Variants in RNF111 observed in about 807,000 individuals in gnomAD.
RNF111 encodes E3 ubiquitin-protein ligase Arkadia.
In RNF111, 17 loss-of-function variants were observed where a neutral mutation model predicts 95.1. The observed-to-expected ratio is 0.18, with a 90% CI of 0.12 to 0.27. RNF111 has a LOEUF of 0.27. Ranked by LOEUF, RNF111 falls within the 10% of genes least tolerant of loss-of-function variation. RNF111 has a pLI of 1.00. For missense variants in RNF111, 1,189 were observed against 1,210.4 expected (o/e 0.98, Z 0.26); for synonymous variants, 440 against 414.8 (o/e 1.06, Z -0.74).
intron 5 of RNF111, among the ~76,000 whole-genome samples, chr15:59,063,728 C>G (rs1333485931): frequency 1.3e-5 from 2 of 152,150 alleles, no homozygotes; most frequent in African/African-American, 4.8e-5. Context: ...CAAAAGAGGA[C>G]AAGCTGTTTC....
At chr15:59,092,473 C>T in intron 12 of RNF111, 64 bp from the exon 13 acceptor site, 1 of 1,519,266 alleles carries the variant, frequency 6.6e-7, no homozygotes, top group African/African-American at 1.4e-5. Context: ...TAAACACAGA[C>T]TTTACTCAGT....
At chr15:59,081,332 A>G (rs993289890) in intron 8 of RNF111, 48 bp downstream of exon 8, 10 of 1,488,572 alleles carry the variant, frequency 6.7e-6, no homozygotes, top group Admixed American at 5.6e-5. Flanking sequence ...TTTTTCTTCT[A>G]CTTCCATTGG....
intron 2 of RNF111, among the ~76,000 whole-genome samples, chr15:59,033,961 A>G (rs1299676369): frequency 2.0e-5 from 3 of 152,224 alleles, no homozygotes; most frequent in Non-Finnish European, 4.4e-5. Flanking sequence ...TGATTTAATA[A>G]CATTCACACG....
chr15:59,081,086 C>G lies in RNF111; in HGVS notation c.2099C>G (p.Ala700Gly). The part of the protein sequence containing the change: ...HAFHSQISSH[A>G]TSHPVAPPPP... ...TTCCATTCTCAAATATCTTCTCATG[C>G]AACATCTCATCCTGTGGCACCCCCA... The change falls in exon 8 of 14, where the codon GCA becomes GGA. Residue 700 changes from alanine to glycine, a missense_variant. Transcript: ENST00000348370. 6.2e-7 allele frequency: 1 copy of G among 1,614,096 alleles called. No homozygotes were observed. The highest frequency in any genetic ancestry group is 2.2e-5 in the East Asian group (1 of 44,882).
chr15:59,065,989 A>C (rs2042639266), intron 5 of RNF111, among the ~76,000 whole-genome samples: 2 of 152,104 alleles, frequency 1.3e-5, no homozygotes, highest in Admixed American at 1.3e-4. Flanking sequence ...CACCAGATAC[A>C]CTCTGACTTG....
At chr15:59,009,296 A>C (rs2039682730) in intron 1 of RNF111, among the ~76,000 whole-genome samples, 1 of 151,676 alleles carries the variant, frequency 6.6e-6, no homozygotes, top group Non-Finnish European at 1.5e-5. Context: ...CTTTGGGAGG[A>C]TTTATTTTTC....
chr15:59,058,571 G>A (rs776545454), intron 5 of RNF111, 21 bp downstream of exon 5: 2 of 1,603,612 alleles, frequency 1.2e-6, no homozygotes, highest in African/African-American at 2.7e-5. Flanking sequence ...AAGTGGGGGA[G>A]GGGAGACTTT....
chr15:59,042,050 A>G (rs570188226), intron 2 of RNF111, among the ~76,000 whole-genome samples: 85 of 151,062 alleles, frequency 5.6e-4, no homozygotes, highest in African/African-American at 2.0e-3. Context: ...TATATTAGCA[A>G]TGTAAGTCCT....
In RNF111 at chr15:59,094,810, C is replaced by T; in HGVS notation, c.2871C>T (p.His957=). The T allele has an allele frequency of 1.2e-6, 2 of 1,612,386 alleles. No individual in the cohort carries two copies. The highest frequency in any genetic ancestry group is 1.7e-6 in the Non-Finnish European group (2 of 1,178,588). The change falls in exon 14 of 14, where the codon CAC becomes CAT. Residue 957 remains histidine, a synonymous_variant. Transcript: ENST00000348370. ...VRRLPCMHLF[H]QVCVDQWLIT... is the part of the protein sequence containing the mutation. ...GTCTTCCATGTATGCACCTTTTCCA[C>T]CAAGTGTGTGTTGACCAATGGTTGA...
intron 1 of RNF111, among the ~76,000 whole-genome samples, chr15:59,017,753 CT>C (rs200975904): frequency 4.7e-4 from 57 of 120,964 alleles, no homozygotes; most frequent in East Asian, 1.1e-3. Context: ...TTGTTGAACT[CT>C]TTTTTTTTTT....
At chr15:59,030,717 C>G (rs1259777558) in intron 1 of RNF111, 87 bp from the exon 2 acceptor site, 2 of 901,046 alleles carry the variant, frequency 2.2e-6, no homozygotes, top group East Asian at 5.5e-5. Context: ...TATAAGGGAT[C>G]TTCTTGGTGG....
chr15:59,057,705 A>T (rs1314102325), intron 4 of RNF111, among the ~76,000 whole-genome samples: 1 of 152,228 alleles, frequency 6.6e-6, no homozygotes, highest in African/African-American at 2.4e-5. Flanking sequence ...TTTGGAAAAC[A>T]TATAAAAAGG....
At chr15:59,054,241 C>G (rs956287178) in intron 3 of RNF111, among the ~76,000 whole-genome samples, 4 of 152,080 alleles carry the variant, frequency 2.6e-5, no homozygotes, top group African/African-American at 9.7e-5. Flanking sequence ...CTGGCCTGGC[C>G]CTTTCATTTA....
At chr15:58,989,423 T>C (rs1294244118) in intron 1 of RNF111, among the ~76,000 whole-genome samples, 1 of 152,224 alleles carries the variant, frequency 6.6e-6, no homozygotes, top group Non-Finnish European at 1.5e-5. Flanking sequence ...TTCACAACAG[T>C]ATTCTAAGAA....
Position 59,095,938 on chromosome 15 carries a change from T to TA in RNF111, c.*1041dup. On this transcript the variant is annotated 3_prime_UTR_variant, in exon 14 of 14. Coordinates refer to ENST00000348370, the MANE Select transcript of RNF111 (RefSeq NM_017610.8). ...TAAGGGATTTTTATTAGTTTAAAGGTAAATAAAGTCAGCTGAATCTACATG... is the reference window on the plus strand; with the variant it reads ...TAAGGGATTTTTATTAGTTTAAAGGTAAAATAAAGTCAGCTGAATCTACATG... 1 of 398,234 alleles carries TA rather than the reference T, an allele frequency of 2.5e-6. No homozygotes were observed. The highest frequency in any genetic ancestry group is 4.4e-6 in the Non-Finnish European group (1 of 225,580). 24.7% of individuals were successfully genotyped at this position (398,234 alleles called of 1,614,324 possible).
intron 1 of RNF111, among the ~76,000 whole-genome samples, chr15:58,992,811 C>G (rs1018847187): frequency 1.3e-5 from 2 of 151,202 alleles, no homozygotes; most frequent in African/African-American, 4.9e-5. Flanking sequence ...CAAAGCCAGA[C>G]CCTATCTCAA....
intron 1 of RNF111, among the ~76,000 whole-genome samples, chr15:59,009,498 A>ATTCTAAAGACTTT (rs1323705212): frequency 2.6e-5 from 4 of 151,006 alleles, no homozygotes; most frequent in Non-Finnish European, 5.9e-5. Context: ...AAATTATCAA[A>ATTCTAAAGACTTT]TTCTAAAGAA....
intron 1 of RNF111, among the ~76,000 whole-genome samples, chr15:58,988,608 G>C (rs1443305637): frequency 6.6e-6 from 1 of 152,256 alleles, no homozygotes; most frequent in Non-Finnish European, 1.5e-5. Context: ...ATCAGAGTCA[G>C]TGTCAGTGCT....
chr15:59,027,932 TCTC>T (rs1318800621), intron 1 of RNF111, among the ~76,000 whole-genome samples: 3 of 151,262 alleles, frequency 2.0e-5, no homozygotes, highest in Non-Finnish European at 4.4e-5. Context: ...TTCAAGCAAT[TCTC>T]CTGCCTCAGC....
Sources: gnomAD v4.1 joint callset for allele counts (sites outside exome capture counted in the v4.1 genomes callset) on GRCh38, gnomAD v4.1.1 for gene constraint, MANE v1.5 for transcripts, NCBI Gene and HGNC (gene_info 2026-07-23, HGNC 2026-07-21) for gene names.